The following KLHDC7B variants were observed in gnomAD, a reference collection of about 807,000 sequenced individuals.
KLHDC7B encodes kelch domain-containing protein 7B.
Under a neutral mutation model 0.6 loss-of-function variants are expected in KLHDC7B, and 1 was observed. That is an observed-to-expected ratio of 1.71 (90% CI 0.61 to 8.11). KLHDC7B has a LOEUF of 8.11. KLHDC7B is among the 30% of genes most tolerant of loss of function. KLHDC7B has a pLI of 0.13. For synonymous variants in KLHDC7B, 462 were observed against 405.2 expected, an observed-to-expected ratio of 1.14 and a Z score of -1.68; for missense variants, 993 against 894.9, an observed-to-expected ratio of 1.11 and a Z score of -1.40.
chr22:50,546,159 G>T lies in KLHDC7B; in HGVS notation c.-85G>T, dbSNP rs2069726346. The stretch of plus-strand genomic sequence containing the variant: ...CCTTAACTGGGCAGCCCTTGGGGCA[G>T]GCGCTGGCCGGTGCCTCAGCCCAGG... On this transcript the variant is annotated 5_prime_UTR_variant, in exon 1 of 1. In the 5' UTR this introduces an upstream ATG that the reference lacks. Transcript: ENST00000648057. 6.6e-6 allele frequency among the ~76,000 whole-genome samples: 1 copy of T among 152,226 alleles called. No homozygotes were observed. Among genetic ancestry groups the T allele is most frequent in the African/African-American group, 2.4e-5 (1 of 41,458 alleles).
chr22:50,548,937 G>A lies in KLHDC7B; in HGVS notation c.2694G>A (p.Pro898=), dbSNP rs1265624040. The A allele has an allele frequency of 1.3e-6, 2 of 1,597,656 alleles. No homozygotes were observed. The highest frequency in any genetic ancestry group is 4.5e-5 in the East Asian group (2 of 44,262). Residue 898 remains proline (P), a synonymous_variant, in exon 1 of 1, where the codon CCG becomes CCA. Transcript: ENST00000648057. The surrounding 1 kb of genome is among the most constrained non-coding windows in gnomAD (Gnocchi z 5.3). The part of the protein sequence containing the change: ...SDNLLRVLGD[P]CLYRRLSAAD... ...ACCTGCTGCGAGTGCTGGGAGACCC[G>A]TGCCTCTACCGCCGGCTGAGCGCGG...
rs375448641 is a variant in KLHDC7B, at chr22:50,549,274, G to A, written c.3031G>A (p.Val1011Ile). The change falls in exon 1 of 1, where the codon GTC (valine) becomes ATC (isoleucine). Residue 1011 changes from valine to isoleucine, a missense_variant. Val to Ile is a conservative substitution (Grantham distance 29, BLOSUM62 3). Transcript: ENST00000648057. ...GGIRGSGAKA[V>I]CSNEVFCYNP... ...CATCCGTGGCTCCGGTGCCAAGGCC[G>A]TCTGCTCCAACGAGGTCTTCTGCTA... is the stretch of plus-strand genomic sequence containing the variant. The A allele has an allele frequency of 1.5e-4, 246 of 1,611,618 alleles. 4 individuals carry two copies. The South Asian group carries it at 1.6e-3, about 10-fold the overall frequency.
At position 50,547,114 on chromosome 22, in the gene KLHDC7B, C is replaced by G. The variant is rs923400147; in HGVS notation, c.871C>G (p.Leu291Val). Among the ~76,000 whole-genome samples, 10 of 151,860 alleles carry G rather than the reference C, an allele frequency of 6.6e-5. No individual in the cohort carries two copies. The highest frequency in any genetic ancestry group is 2.4e-4 in the African/African-American group (10 of 41,386). Reference protein sequence around the residue: ...PLAQEPALPALPAPRALQPGS... With the variant: ...PLAQEPALPAVPAPRALQPGS... ...CGCCCAGGAGCCCGCACTCCCGGCG[C>G]TGCCCGCTCCCCGCGCCCTGCAGCC... Residue 291 changes from leucine to valine, a missense_variant, in exon 1 of 1, where the codon CTG becomes GTG. Physicochemically the swap from Leu to Val is conservative, Grantham distance 32. Transcript: ENST00000648057.
In KLHDC7B at chr22:50,548,758, C is replaced by T. The variant is rs778838860; in HGVS notation, c.2515C>T (p.Pro839Ser). The change falls in exon 1 of 1, where the codon CCC (proline) becomes TCC (serine). Residue 839 changes from proline to serine, a missense_variant. Coordinates refer to ENST00000648057, the MANE Select transcript of KLHDC7B (RefSeq NM_138433.5). This position sits in a 1 kb window ranked among gnomAD's most constrained non-coding sequence, Gnocchi z 5.3. ...RPGGWGVVEG[P>S]RKPSSRALEP... ...CGGGGGTTGGGGGGTGGTGGAGGGG[C>T]CCCGGAAGCCCAGCTCCCGGGCCCT... 7 of 1,448,564 alleles carry T rather than the reference C, an allele frequency of 4.8e-6. No homozygotes were observed. The highest frequency in any genetic ancestry group is 2.7e-6 in the Non-Finnish European group (3 of 1,106,238). The allele number at this position is 1,448,564 out of a possible 1,614,324, so 89.7% of individuals were successfully genotyped here.
chr22:50,548,882 C>G lies in KLHDC7B; in HGVS notation c.2639C>G (p.Ala880Gly). The G allele has an allele frequency of 1.3e-6, 2 of 1,569,224 alleles. No individual in the cohort carries two copies. The highest frequency in any genetic ancestry group is 1.7e-6 in the Non-Finnish European group (2 of 1,159,706). ...CAGCAGCACGGAGAGCCCGGCCTGGCGCAGGAGACCTACGCGCTGATGAGC... is the reference window on the plus strand; with the variant it reads ...CAGCAGCACGGAGAGCCCGGCCTGGGGCAGGAGACCTACGCGCTGATGAGC... ...FAQQHGEPGLAQETYALMSDN... is the reference protein window; with the variant it reads ...FAQQHGEPGLGQETYALMSDN... The change falls in exon 1 of 1, where the codon GCG becomes GGG. Residue 880 changes from alanine to glycine, a missense_variant. Coordinates refer to ENST00000648057, the MANE Select transcript of KLHDC7B (RefSeq NM_138433.5). The surrounding 1 kb of genome is among the most constrained non-coding windows in gnomAD (Gnocchi z 5.3).
chr22:50,548,478 C>G lies in KLHDC7B; in HGVS notation c.2235C>G (p.Pro745=). 1 of 1,574,350 alleles carries G rather than the reference C, an allele frequency of 6.4e-7. No homozygotes were observed. Among genetic ancestry groups the G allele is most frequent in the East Asian group, 2.3e-5 (1 of 43,294 alleles). ...CCCAAGCCGCGATGCCCAGGGGCCC[C>G]GCACAGCCCCCCGCGCAGAGGCCGC... ...PLPQAAMPRG[P]AQPPAQRPPG... is the part of the protein sequence containing the mutation. The change falls in exon 1 of 1, where the codon CCC becomes CCG. Residue 745 remains proline, a synonymous_variant. Transcript: ENST00000648057. The surrounding 1 kb of genome is among the most constrained non-coding windows in gnomAD (Gnocchi z 5.3).
At position 50,549,057 on chromosome 22, in the gene KLHDC7B, A is replaced by T; in HGVS notation, c.2814A>T (p.Ser938=). The T allele has an allele frequency of 6.3e-7, 1 of 1,597,610 alleles. No homozygotes were observed. Among genetic ancestry groups the T allele is most frequent in the Non-Finnish European group, 8.5e-7 (1 of 1,178,260 alleles). The part of the protein sequence containing the change: ...VLPSLYQGGR[S]GLPRGPRGEE... ...CCAGCCTCTACCAGGGGGGCCGCTC[A>T]GGGCTCCCCAGGGGCCCTCGTGGCG... Residue 938 remains serine (S), a synonymous_variant, in exon 1 of 1, where the codon TCA becomes TCT. Transcript: ENST00000648057.
chr22:50,548,560 A>C lies in KLHDC7B; in HGVS notation c.2317A>C (p.Lys773Gln), dbSNP rs2069761029. The C allele has an allele frequency of 6.5e-7, 1 of 1,549,364 alleles. No homozygotes were observed. Among genetic ancestry groups the C allele is most frequent in the Non-Finnish European group, 8.7e-7 (1 of 1,147,640 alleles). ...CTCACAGCCGGTACCCCAGCTACGG[A>C]AACGCAGCAGGTGCGAAATCGCCCC... is the stretch of plus-strand genomic sequence containing the variant. ...RRSQPVPQLR[K>Q]RSRCEIAPSS... is the part of the protein sequence containing the mutation. Residue 773 changes from lysine (K) to glutamine (Q), a missense_variant, in exon 1 of 1, where the codon AAA (lysine) becomes CAA (glutamine). Lys to Gln is a moderately conservative substitution (Grantham distance 53). Coordinates refer to ENST00000648057, the MANE Select transcript of KLHDC7B (RefSeq NM_138433.5). This position sits in a 1 kb window ranked among gnomAD's most constrained non-coding sequence, Gnocchi z 5.3.
Position 50,549,494 on chromosome 22 carries a change from A to G in KLHDC7B, c.3251A>G (p.His1084Arg). The stretch of plus-strand genomic sequence containing the variant: ...CCCGCAGGCACCTTCCCTGTGGCCC[A>G]CGAGGCTGTGGCCTGCCGTGGGGAC... ...PLPAGTFPVA[H>R]EAVACRGDIY... is the part of the protein sequence containing the mutation. Residue 1084 changes from histidine to arginine, a missense_variant, in exon 1 of 1, where the codon CAC becomes CGC. Transcript: ENST00000648057. The G allele has an allele frequency of 6.2e-7, 1 of 1,612,364 alleles. No homozygotes were observed. The highest frequency in any genetic ancestry group is 8.5e-7 in the Non-Finnish European group (1 of 1,179,780).
rs1016519788 is a variant in KLHDC7B at position 50,548,062 on chromosome 22, G to A, written c.1819G>A (p.Ala607Thr). 3 of 469,238 alleles carry A rather than the reference G, an allele frequency of 6.4e-6. No homozygotes were observed. Among genetic ancestry groups the A allele is most frequent in the Non-Finnish European group, 8.1e-6 (3 of 369,124 alleles). 29.1% of individuals were successfully genotyped at this position (469,238 alleles called of 1,614,324 possible). Residue 607 changes from alanine to threonine, a missense_variant, in exon 1 of 1, where the codon GCA becomes ACA. Ala to Thr is a moderately conservative substitution (Grantham distance 58). Transcript: ENST00000648057. The surrounding 1 kb of genome is among the most constrained non-coding windows in gnomAD (Gnocchi z 5.3). ...CTCAGCCCCAACCCCAACCCCAGCC[G>A]CATCCCCTGCCCCAGCTGACGGGTC... is the stretch of plus-strand genomic sequence containing the variant. ...PTSAPTPTPA[A>T]SPAPADGSKP...
rs1462286811 is a variant in KLHDC7B at position 50,549,433 on chromosome 22, C to T, written c.3190C>T (p.Pro1064Ser). The change falls in exon 1 of 1, where the codon CCG becomes TCG. Residue 1064 changes from proline to serine, a missense_variant. Physicochemically the swap from Pro to Ser is moderately conservative, Grantham distance 74. Coordinates refer to ENST00000648057, the MANE Select transcript of KLHDC7B (RefSeq NM_138433.5). The stretch of plus-strand genomic sequence containing the variant: ...CCTGTACAGCATGGAGTGCTACGAC[C>T]CGCGAACAGACGCCTGGACCCCACG... ...ECLYSMECYD[P>S]RTDAWTPRAP... 2 of 1,612,754 alleles carry T rather than the reference C, an allele frequency of 1.2e-6. No homozygotes were observed. Among genetic ancestry groups the T allele is most frequent in the Admixed American group, 1.7e-5 (1 of 60,018 alleles).
chr22:50,548,665 G>A lies in KLHDC7B; in HGVS notation c.2422G>A (p.Gly808Ser). The change falls in exon 1 of 1, where the codon GGC becomes AGC. Residue 808 changes from glycine to serine, a missense_variant. Physicochemically the swap from Gly to Ser is moderately conservative, Grantham distance 56 (BLOSUM62 0). Coordinates refer to ENST00000648057, the MANE Select transcript of KLHDC7B (RefSeq NM_138433.5). The surrounding 1 kb of genome is among the most constrained non-coding windows in gnomAD (Gnocchi z 5.3). ...EAPGEGGSPA[G>S]RSGALTEKQE... Reference sequence around the variant, plus strand: ...GCCGGGGGAGGGGGGCAGCCCTGCCGGCCGCAGCGGGGCGCTCACGGAAAA... The same window carrying A: ...GCCGGGGGAGGGGGGCAGCCCTGCCAGCCGCAGCGGGGCGCTCACGGAAAA... The A allele has an allele frequency of 2.0e-6, 3 of 1,520,268 alleles. No homozygotes were observed. The highest frequency in any genetic ancestry group is 2.6e-6 in the Non-Finnish European group (3 of 1,134,326). The allele number at this position is 1,520,268 out of a possible 1,614,324, so 94.2% of individuals were successfully genotyped here.
rs1257111832 is a variant in KLHDC7B at position 50,548,009 on chromosome 22, C to T, written c.1766C>T (p.Pro589Leu). 1.8e-6 allele frequency: 1 copy of T among 554,966 alleles called. No individual in the cohort carries two copies. The highest frequency in any genetic ancestry group is 2.7e-6 in the Non-Finnish European group (1 of 374,276). The allele number at this position is 554,966 out of a possible 1,614,324, so 34.4% of individuals were successfully genotyped here. A position where few individuals can be genotyped will look rare whatever the true frequency, so the allele number is the denominator to read the frequency against. ...CCAGCTCCAACTCCAGCCCCAACCC[C>T]AGCCGCATCCCCTGCCCCAGCCCCC... ...LSPAPTPAPT[P>L]AASPAPAPTS... The change falls in exon 1 of 1, where the codon CCA (proline) becomes CTA (leucine). Residue 589 changes from proline (P) to leucine (L), a missense_variant. Pro to Leu is a moderately conservative substitution (Grantham distance 98). Transcript: ENST00000648057. This position sits in a 1 kb window ranked among gnomAD's most constrained non-coding sequence, Gnocchi z 5.3.
chr22:50,548,565 C>A lies in KLHDC7B; in HGVS notation c.2322C>A (p.Arg774=), dbSNP rs1475400744. 2 of 1,548,712 alleles carry A rather than the reference C, an allele frequency of 1.3e-6. No individual in the cohort carries two copies. ...RSQPVPQLRK[R]SRCEIAPSSE... ...AGCCGGTACCCCAGCTACGGAAACG[C>A]AGCAGGTGCGAAATCGCCCCGAGCT... The change falls in exon 1 of 1, where the codon CGC becomes CGA. Residue 774 remains arginine (R), a synonymous_variant. Transcript: ENST00000648057. This position sits in a 1 kb window ranked among gnomAD's most constrained non-coding sequence, Gnocchi z 5.3.
rs767568644 is a variant in KLHDC7B, at chr22:50,549,130, C to G, written c.2887C>G (p.Leu963Val). Residue 963 changes from leucine (L) to valine (V), a missense_variant, in exon 1 of 1, where the codon CTG becomes GTG. Transcript: ENST00000648057. ...TGTGTCCCTGCCTCTACCTGCGCAC[C>G]TGCATGTGTTCAACCCCCGGGAGAA... ...APVSLPLPAH[L>V]HVFNPRENTW... 2 of 1,603,008 alleles carry G rather than the reference C, an allele frequency of 1.2e-6. No homozygotes were observed. Among genetic ancestry groups the G allele is most frequent in the Non-Finnish European group, 1.7e-6 (2 of 1,179,802 alleles).
chr22:50,547,753 T>TCAGCCC lies in KLHDC7B; in HGVS notation c.1521_1526dup (p.Ala509_Pro510dup), dbSNP rs1603442578. The TCAGCCC allele has an allele frequency of 2.2e-6, 1 of 453,610 alleles. No individual in the cohort carries two copies. Among genetic ancestry groups the TCAGCCC allele is most frequent in the Non-Finnish European group, 3.9e-6 (1 of 259,006 alleles). 28.1% of individuals were successfully genotyped at this position (453,610 alleles called of 1,614,324 possible). ...CACCACCTCAACCTCATCCCCCACC[T>TCAGCCC]CAGCCCCAGCCCCAGCTCCAACCTC... On this transcript the variant is annotated inframe_insertion, in exon 1 of 1. Coordinates refer to ENST00000648057, the MANE Select transcript of KLHDC7B (RefSeq NM_138433.5).
rs1187028861 is a variant in KLHDC7B, at chr22:50,548,573, G to A, written c.2330G>A (p.Cys777Tyr). The A allele has an allele frequency of 6.5e-7, 1 of 1,547,620 alleles. No individual in the cohort carries two copies. The change falls in exon 1 of 1, where the codon TGC becomes TAC. Residue 777 changes from cysteine (C) to tyrosine (Y), a missense_variant. Physicochemically the swap from Cys to Tyr is radical, Grantham distance 194 (BLOSUM62 -2). Coordinates refer to ENST00000648057, the MANE Select transcript of KLHDC7B (RefSeq NM_138433.5). This position sits in a 1 kb window ranked among gnomAD's most constrained non-coding sequence, Gnocchi z 5.3. ...CCCCAGCTACGGAAACGCAGCAGGT[G>A]CGAAATCGCCCCGAGCTCGGAGCAG... is the stretch of plus-strand genomic sequence containing the variant. Reference protein sequence around the residue: ...PVPQLRKRSRCEIAPSSEQEV... With the variant: ...PVPQLRKRSRYEIAPSSEQEV...
chr22:50,547,651 C>G lies in KLHDC7B; in HGVS notation c.1408C>G (p.Gln470Glu), dbSNP rs2069746210. 1.7e-5 allele frequency: 7 copies of G among 407,770 alleles called. No homozygotes were observed. The East Asian group carries it at 2.1e-4, about 12-fold the overall frequency. 25.3% of individuals were successfully genotyped at this position (407,770 alleles called of 1,614,324 possible). ...GCCAGCCCCAAGTTCAGCCTCAGCC[C>G]AAGTCTTAACTTCAGCTCCAGCCTC... The part of the protein sequence containing the change: ...AAPAPSSASA[Q>E]VLTSAPASVL... The change falls in exon 1 of 1, where the codon CAA becomes GAA. Residue 470 changes from glutamine (Q) to glutamate (E), a missense_variant. Physicochemically the swap from Gln to Glu is conservative, Grantham distance 29 (BLOSUM62 2). Transcript: ENST00000648057.
Position 50,548,980 on chromosome 22 carries a change from C to A in KLHDC7B, c.2737C>A (p.Leu913Ile). 1 of 1,598,722 alleles carries A rather than the reference C, an allele frequency of 6.3e-7. No homozygotes were observed. The highest frequency in any genetic ancestry group is 8.5e-7 in the Non-Finnish European group (1 of 1,175,074). ...RLSAADRERI[L>I]SLRTGRGRAV... is the part of the protein sequence containing the mutation. The stretch of plus-strand genomic sequence containing the variant: ...GAGCGCGGCCGACCGCGAGCGCATC[C>A]TCAGCCTGCGGACCGGCCGGGGCCG... Residue 913 changes from leucine to isoleucine, a missense_variant, in exon 1 of 1, where the codon CTC becomes ATC. Coordinates refer to ENST00000648057, the MANE Select transcript of KLHDC7B (RefSeq NM_138433.5). This position sits in a 1 kb window ranked among gnomAD's most constrained non-coding sequence, Gnocchi z 5.3.
Sources: gnomAD v4.1 joint callset for allele counts (sites outside exome capture counted in the v4.1 genomes callset) on GRCh38, gnomAD v4.1.1 for gene constraint, Gnocchi (gnomAD v3.1) non-coding constraint, MANE v1.5 for transcripts, NCBI Gene and HGNC (gene_info 2026-07-23, HGNC 2026-07-21) for gene names.